TMEM117: variants seen among roughly 807,000 people sequenced by gnomAD.
TMEM117 encodes the protein transmembrane protein 117.
TMEM117 carries 27 observed loss-of-function variants against 52.4 expected under a neutral mutation model. That is an observed-to-expected ratio of 0.51 (90% confidence interval 0.38 to 0.71). The LOEUF (loss-of-function observed/expected upper bound fraction) is 0.71, where lower values mean the gene tolerates loss of function less well. Among genes scored for constraint, TMEM117 ranks in the 30% least tolerant of loss-of-function variants. The probability of loss-of-function intolerance (pLI) is 0.00; values close to 1 mark genes in which losing one functional copy is unlikely to be tolerated. For missense variants in TMEM117, 556 were observed against 630.5 expected (o/e 0.88, Z 1.26); for synonymous variants, 215 against 206.3 (o/e 1.04, Z -0.36).
intron 2 of TMEM117, among the ~76,000 whole-genome samples, chr12:43,860,748 G>T (rs941905555): frequency 6.6e-6 from 1 of 152,166 alleles, no homozygotes; most frequent in Admixed American, 6.5e-5. Context: ...GCCGGTCATA[G>T]GTTTTATAAC....
intron 6 of TMEM117, among the ~76,000 whole-genome samples, chr12:44,368,714 A>G (rs535068287): frequency 6.6e-6 from 1 of 152,306 alleles, no homozygotes; most frequent in South Asian, 2.1e-4. Flanking sequence ...TTTTGTACCA[A>G]ATATGCAAAT....
chr12:43,827,838 C>T, the TMEM117 span, among the ~76,000 whole-genome samples: 1 of 152,146 alleles, frequency 6.6e-6, no homozygotes, highest in African/African-American at 2.4e-5. Context: ...AAGAAATCTT[C>T]CTGGATTTGG....
At chr12:43,889,227 C>T (rs1465710658) in intron 2 of TMEM117, among the ~76,000 whole-genome samples, 2 of 152,018 alleles carry the variant, frequency 1.3e-5, no homozygotes, top group African/African-American at 2.4e-5. Flanking sequence ...GGATTACAGG[C>T]GTCTGCCACC....
At chr12:44,230,528 T>A (rs892723198) in intron 5 of TMEM117, among the ~76,000 whole-genome samples, 2 of 152,020 alleles carry the variant, frequency 1.3e-5, no homozygotes, top group African/African-American at 4.8e-5. Context: ...ACCCTCTTTC[T>A]CCTGAAGAAC....
chr12:43,813,231 G>GCTTTTTTT, the TMEM117 span, among the ~76,000 whole-genome samples: 9 of 62,666 alleles, frequency 1.4e-4, no homozygotes, highest in African/African-American at 5.3e-4. Flanking sequence ...GTTTTCTCTT[G>GCTTTTTTT]TTTTTTTTTT....
chr12:44,153,659 T>C (rs1277383341), intron 4 of TMEM117, among the ~76,000 whole-genome samples: 4 of 152,082 alleles, frequency 2.6e-5, no homozygotes, highest in African/African-American at 9.7e-5. Context: ...AAGATAGATA[T>C]TGCAGTTCCT....
intron 2 of TMEM117, among the ~76,000 whole-genome samples, chr12:43,860,101 G>GCCAT (rs1347210653): frequency 1.3e-5 from 2 of 152,292 alleles, no homozygotes; most frequent in Middle Eastern, 6.8e-3. Flanking sequence ...GTATACACGT[G>GCCAT]CCATGGTGGT....
intron 3 of TMEM117, among the ~76,000 whole-genome samples, chr12:44,004,784 T>C (rs1183473868): frequency 6.6e-6 from 1 of 152,190 alleles, no homozygotes; most frequent in Non-Finnish European, 1.5e-5. Context: ...TGGGGGTTTC[T>C]AGTATATTTT....
chr12:43,954,479 C>T (rs962286713), intron 3 of TMEM117, among the ~76,000 whole-genome samples: 11 of 152,084 alleles, frequency 7.2e-5, no homozygotes, highest in Non-Finnish European at 1.3e-4. Flanking sequence ...CCACTGACCC[C>T]ACAGAAATAC....
chr12:43,846,404 C>G (rs148388916), intron 2 of TMEM117, among the ~76,000 whole-genome samples: 1 of 152,218 alleles, frequency 6.6e-6, no homozygotes. Flanking sequence ...TTTTTATTAC[C>G]TAGAGAGACT....
intron 4 of TMEM117, among the ~76,000 whole-genome samples, chr12:44,186,806 TA>T (rs1481987322): frequency 1.3e-5 from 2 of 152,268 alleles, no homozygotes; most frequent in East Asian, 3.9e-4. Context: ...ATAATGGCAC[TA>T]AAAAAGCAAA....
intron 3 of TMEM117, among the ~76,000 whole-genome samples, chr12:44,098,689 C>T (rs536322145): frequency 2.0e-5 from 3 of 152,176 alleles, no homozygotes; most frequent in East Asian, 1.9e-4. Flanking sequence ...AGATCCTATA[C>T]TATCATAACT....
At chr12:43,851,914 T>C (rs1943314709) in intron 2 of TMEM117, among the ~76,000 whole-genome samples, 1 of 152,238 alleles carries the variant, frequency 6.6e-6, no homozygotes, top group Non-Finnish European at 1.5e-5. Flanking sequence ...TTGTGCTTGG[T>C]ACAAGAGATG....
intron 3 of TMEM117, among the ~76,000 whole-genome samples, chr12:44,135,664 G>A (rs554373828): frequency 6.6e-6 from 1 of 152,056 alleles, no homozygotes; most frequent in Non-Finnish European, 1.5e-5. Context: ...GAGGAGGAGA[G>A]AGAAGAGAAA....
At chr12:43,982,598 T>C (rs1040762854) in intron 3 of TMEM117, among the ~76,000 whole-genome samples, 1 of 152,252 alleles carries the variant, frequency 6.6e-6, no homozygotes, top group Non-Finnish European at 1.5e-5. Flanking sequence ...GATGGCATCT[T>C]AATATTTTCT....
intron 6 of TMEM117, among the ~76,000 whole-genome samples, chr12:44,348,452 AC>A (rs889277656): frequency 6.6e-6 from 1 of 151,594 alleles, no homozygotes; most frequent in African/African-American, 2.4e-5. Flanking sequence ...AGGTACCAAT[AC>A]CCCCTAGTCC....
At chr12:44,352,691 A>G (rs1321293761) in intron 6 of TMEM117, among the ~76,000 whole-genome samples, 1 of 152,046 alleles carries the variant, frequency 6.6e-6, no homozygotes, top group East Asian at 1.9e-4. Flanking sequence ...AATTCAGTCT[A>G]TCATTGTTGG....
At chr12:44,115,094 T>C (rs2138118475) in intron 3 of TMEM117, among the ~76,000 whole-genome samples, 1 of 152,322 alleles carries the variant, frequency 6.6e-6, no homozygotes, top group African/African-American at 2.4e-5. Flanking sequence ...CGTCATCTGT[T>C]CCTCCTTCTG....
intron 6 of TMEM117, among the ~76,000 whole-genome samples, chr12:44,323,084 G>T (rs577521528): frequency 6.6e-6 from 1 of 152,252 alleles, no homozygotes; most frequent in South Asian, 2.1e-4. Flanking sequence ...GGCTTTAAAG[G>T]TAGGAGTGAA....
Sources: gnomAD v4.1 joint callset for allele counts (sites outside exome capture counted in the v4.1 genomes callset) on GRCh38, gnomAD v4.1.1 for gene constraint, MANE v1.5 for transcripts, NCBI Gene and HGNC (gene_info 2026-07-23, HGNC 2026-07-21) for gene names.